SLAIN2: variants seen among roughly 807,000 people sequenced by gnomAD.
SLAIN2 encodes SLAIN family member 2.
In SLAIN2, 31 loss-of-function variants were observed where a neutral mutation model predicts 56.6. The observed-to-expected ratio is 0.55, with a 90% CI of 0.41 to 0.74. The LOEUF (loss-of-function observed/expected upper bound fraction) is 0.74, where lower values mean the gene tolerates loss of function less well. Among genes scored for constraint, SLAIN2 ranks in the 30% least tolerant of loss-of-function variants. SLAIN2 has a pLI of 0.00. For missense variants in SLAIN2, 777 were observed against 754.2 expected, an observed-to-expected ratio of 1.03 and a Z score of -0.35; for synonymous variants, 317 against 284.9, an observed-to-expected ratio of 1.11 and a Z score of -1.13.
At chr4:48,417,907 G>A (rs189105328) in intron 6 of SLAIN2, among the ~76,000 whole-genome samples, 148 of 152,194 alleles carry the variant, frequency 9.7e-4, no homozygotes, top group African/African-American at 2.5e-3. Flanking sequence ...TCTAATGTTC[G>A]TTGCTGGCAT....
intron 6 of SLAIN2, among the ~76,000 whole-genome samples, chr4:48,392,723 A>G (rs970460403): frequency 3.3e-5 from 5 of 151,824 alleles, no homozygotes; most frequent in African/African-American, 4.8e-5. Flanking sequence ...TGATCACTCT[A>G]TTTATAATTG....
chr4:48,379,762 C>G lies in SLAIN2; in HGVS notation c.776C>G (p.Ser259Ter). 6.3e-7 allele frequency: 1 copy of G among 1,595,196 alleles called. No individual in the cohort carries two copies. The highest frequency in any genetic ancestry group is 8.5e-7 in the Non-Finnish European group (1 of 1,171,802). The change falls in exon 4 of 8, where the codon TCA (serine) becomes TGA (stop). Residue 259 changes from serine to a stop codon, truncating the protein, a stop_gained. Coordinates refer to ENST00000264313, the MANE Select transcript of SLAIN2 (RefSeq NM_020846.2). LOFTEE classifies it high-confidence loss of function. ...QSSIDSELSA[S>*]ELDEDSIGSN... Reference sequence around the variant, plus strand: ...TCTATAGATAGTGAGTTAAGTGCTTCAGAATTAGATGAAGATTCAATTGGA... The same window carrying G: ...TCTATAGATAGTGAGTTAAGTGCTTGAGAATTAGATGAAGATTCAATTGGA...
chr4:48,403,991 C>T (rs1716625781), intron 6 of SLAIN2, among the ~76,000 whole-genome samples: 1 of 152,132 alleles, frequency 6.6e-6, no homozygotes, highest in South Asian at 2.1e-4. Context: ...CACTCACCAC[C>T]TTTCTTGGCT....
intron 6 of SLAIN2, among the ~76,000 whole-genome samples, chr4:48,396,106 T>A (rs1206878865): frequency 6.6e-6 from 1 of 152,154 alleles, no homozygotes; most frequent in African/African-American, 2.4e-5. Context: ...AACTTCTAGC[T>A]GAATTTTTAA....
At chr4:48,391,196 C>T (rs1261273360) in intron 6 of SLAIN2, among the ~76,000 whole-genome samples, 1 of 152,052 alleles carries the variant, frequency 6.6e-6, no homozygotes, top group Non-Finnish European at 1.5e-5. Context: ...ATATATTGTA[C>T]CACAGGGTTG....
intron 5 of SLAIN2, among the ~76,000 whole-genome samples, chr4:48,383,350 A>G (rs1439501580): frequency 6.6e-6 from 1 of 152,002 alleles, no homozygotes; most frequent in Non-Finnish European, 1.5e-5. Context: ...AGAGAAAGTG[A>G]ATTTCATTTT....
chr4:48,378,190 C>T (rs536547057), intron 3 of SLAIN2, 130 bp downstream of exon 3: 39 of 1,063,672 alleles, frequency 3.7e-5, no homozygotes, highest in African/African-American at 8.0e-5. Context: ...AAGAAAATAT[C>T]GTTGAGGAGC....
intron 7 of SLAIN2, 34 bp from the exon 8 acceptor site, chr4:48,421,977 A>T (rs1473615409): frequency 1.3e-5 from 19 of 1,493,888 alleles, no homozygotes; most frequent in Non-Finnish European, 1.8e-5. Flanking sequence ...AAAGACATTT[A>T]TCAAATTTTA....
intron 2 of SLAIN2, among the ~76,000 whole-genome samples, chr4:48,377,097 T>G (rs1213656771): frequency 6.6e-6 from 1 of 151,584 alleles, no homozygotes. Flanking sequence ...TCCCAGCACT[T>G]TAGGAGGCCA....
intron 2 of SLAIN2, among the ~76,000 whole-genome samples, chr4:48,371,395 A>C (rs1398329953): frequency 6.6e-6 from 1 of 152,182 alleles, no homozygotes; most frequent in Non-Finnish European, 1.5e-5. Flanking sequence ...TTGAAAAAGC[A>C]ATAGCCTTTA....
rs533831168 is a variant in SLAIN2, at chr4:48,379,572, A to G, written c.704-118A>G. On this transcript the variant is annotated intron_variant, in intron 3 of 7. Coordinates refer to ENST00000264313, the MANE Select transcript of SLAIN2 (RefSeq NM_020846.2). Reference sequence around the variant, plus strand: ...TAATTTCAGGGAATTTTTTAAGCAGAAAAGGCAGAACAAGAATGAATTAAA... The same window carrying G: ...TAATTTCAGGGAATTTTTTAAGCAGGAAAGGCAGAACAAGAATGAATTAAA... 25 of 927,240 alleles carry G rather than the reference A, an allele frequency of 2.7e-5. No individual in the cohort carries two copies. The South Asian group carries it at 1.1e-3, about 42-fold the overall frequency. The allele number at this position is 927,240 out of a possible 1,614,324, so 57.4% of individuals were successfully genotyped here.
intron 1 of SLAIN2, among the ~76,000 whole-genome samples, chr4:48,350,385 T>G (rs989212130): frequency 6.6e-6 from 1 of 152,240 alleles, no homozygotes; most frequent in African/African-American, 2.4e-5. Context: ...TAGGAACATA[T>G]CTATAACTAT....
chr4:48,353,572 C>T (rs937301621), intron 1 of SLAIN2, among the ~76,000 whole-genome samples: 1 of 151,860 alleles, frequency 6.6e-6, no homozygotes, highest in African/African-American at 2.4e-5. Flanking sequence ...TTTATTTGGT[C>T]AGTTTGGCTG....
At chr4:48,391,868 A>G (rs1014458959) in intron 6 of SLAIN2, among the ~76,000 whole-genome samples, 1 of 152,240 alleles carries the variant, frequency 6.6e-6, no homozygotes, top group African/African-American at 2.4e-5. Flanking sequence ...AGAGATTTTT[A>G]AAGGAGCTGG....
intron 6 of SLAIN2, among the ~76,000 whole-genome samples, chr4:48,390,095 T>C (rs1321148691): frequency 1.3e-5 from 2 of 150,780 alleles, no homozygotes; most frequent in African/African-American, 4.9e-5. Context: ...TTTTTTTTTT[T>C]TTTCCTGAGA....
intron 2 of SLAIN2, among the ~76,000 whole-genome samples, chr4:48,373,412 T>C (rs1715722195): frequency 6.6e-6 from 1 of 152,222 alleles, no homozygotes; most frequent in East Asian, 1.9e-4. Flanking sequence ...CTCCCTGTTT[T>C]GGTGTTTTCA....
chr4:48,403,583 G>C (rs1447834993), intron 6 of SLAIN2, among the ~76,000 whole-genome samples: 2 of 152,226 alleles, frequency 1.3e-5, no homozygotes, highest in African/African-American at 4.8e-5. Context: ...CAACCACAGA[G>C]ATGGCGGCCA....
chr4:48,370,094 G>T lies in SLAIN2; in HGVS notation c.538+97G>T. On this transcript the variant is annotated intron_variant, in intron 2 of 7. Coordinates refer to ENST00000264313, the MANE Select transcript of SLAIN2 (RefSeq NM_020846.2). ...TGTGTTTTTAGGAAGCAATTCTTTG[G>T]AGCATTTTTCAAATCTCATTGTTCA... 5.6e-6 allele frequency: 7 copies of T among 1,257,694 alleles called. No individual in the cohort carries two copies. The South Asian group carries it at 1.1e-4, about 20-fold the overall frequency. The allele number at this position is 1,257,694 out of a possible 1,614,324, so 77.9% of individuals were successfully genotyped here. A position where few individuals can be genotyped will look rare whatever the true frequency, so the allele number is the denominator to read the frequency against.
chr4:48,370,709 A>G (rs1346604227), intron 2 of SLAIN2, among the ~76,000 whole-genome samples: 3 of 152,202 alleles, frequency 2.0e-5, no homozygotes, highest in Non-Finnish European at 2.9e-5. Flanking sequence ...ATGTAGGAAA[A>G]ATATTGTTCA....
Sources: gnomAD v4.1 joint callset for allele counts (sites outside exome capture counted in the v4.1 genomes callset) on GRCh38, gnomAD v4.1.1 for gene constraint, MANE v1.5 for transcripts, NCBI Gene and HGNC (gene_info 2026-07-23, HGNC 2026-07-21) for gene names.